The following PPIP5K2 variants were observed in gnomAD, a reference collection of about 807,000 sequenced individuals.
PPIP5K2 encodes the protein inositol hexakisphosphate and diphosphoinositol-pentakisphosphate kinase 2.
A neutral mutation model predicts 154.6 loss-of-function variants in PPIP5K2; 105 were observed. That is an observed-to-expected ratio of 0.68 (90% confidence interval 0.58 to 0.80). The LOEUF is 0.80. Ranked by LOEUF, PPIP5K2 falls within the 30% of genes least tolerant of loss-of-function variation. The probability of loss-of-function intolerance (pLI) is 0.00; values close to 1 mark genes in which losing one functional copy is unlikely to be tolerated. For synonymous variants in PPIP5K2, 480 were observed against 490.3 expected (o/e 0.98, Z 0.28); for missense variants, 992 against 1,504.6 (o/e 0.66, Z 5.64).
At position 103,120,315 on chromosome 5, in the gene PPIP5K2, T is replaced by G. The variant is rs575347761; in HGVS notation, c.-458T>G. ...ATTCCTGAGGTGTAGTAGCCTGAGG[T>G]TCCCTTATGTGGCCCTATAGCTGTT... On this transcript the variant is annotated 5_prime_UTR_variant, in exon 1 of 31. Coordinates refer to ENST00000358359, the MANE Select transcript of PPIP5K2 (RefSeq NM_001276277.3). 7.2e-6 allele frequency: 3 copies of G among 417,186 alleles called. No homozygotes were observed. Among genetic ancestry groups the G allele is most frequent in the Non-Finnish European group, 1.5e-5 (3 of 202,704 alleles). The allele number at this position is 417,186 out of a possible 1,614,324, so 25.8% of individuals were successfully genotyped here.
chr5:103,161,709 A>G (rs1267527809), intron 17 of PPIP5K2, among the ~76,000 whole-genome samples: 1 of 152,210 alleles, frequency 6.6e-6, no homozygotes, highest in Non-Finnish European at 1.5e-5. Context: ...TCTGATGGCC[A>G]GTGATGATGA....
In PPIP5K2 at chr5:103,207,977, A is replaced by G. The variant is rs1348848313; in HGVS notation, c.*6343A>G. On this transcript the variant is annotated 3_prime_UTR_variant, in exon 31 of 31. Coordinates refer to ENST00000358359, the MANE Select transcript of PPIP5K2 (RefSeq NM_001276277.3). The stretch of plus-strand genomic sequence containing the variant: ...TATTACTTACCTTTATATGAGATAA[A>G]TTTCTTTCTGGCTCATCTATTTGAT... 1.3e-5 allele frequency: 2 copies of G among 151,366 alleles called. No individual in the cohort carries two copies. Among genetic ancestry groups the G allele is most frequent in the Admixed American group, 6.6e-5 (1 of 15,204 alleles). The allele number at this position is 151,366 out of a possible 1,614,324, so 9.4% of individuals were successfully genotyped here.
At position 103,177,679 on chromosome 5, in the gene PPIP5K2, G is replaced by T. The variant is rs1554221383; in HGVS notation, c.2542G>T (p.Glu848Ter). The change falls in exon 22 of 31, where the codon GAA becomes TAA. Residue 848 changes from glutamate to a stop codon, truncating the protein, a stop_gained. Coordinates refer to ENST00000358359, the MANE Select transcript of PPIP5K2 (RefSeq NM_001276277.3). LOFTEE classifies it high-confidence loss of function. Reference sequence around the variant, plus strand: ...ATCTTTTGTTCAGGAATCAAAGGATGAACAGTGGAAACGAGCTATGGATTA... The same window carrying T: ...ATCTTTTGTTCAGGAATCAAAGGATTAACAGTGGAAACGAGCTATGGATTA... ...YGALCNESKD[E>*]QWKRAMDYLN... is the part of the protein sequence containing the mutation. 1 of 1,605,914 alleles carries T rather than the reference G, an allele frequency of 6.2e-7. No homozygotes were observed. Among genetic ancestry groups the T allele is most frequent in the Non-Finnish European group, 8.5e-7 (1 of 1,176,394 alleles).
Position 103,146,316 on chromosome 5 carries a change from A to G in PPIP5K2, c.488-211A>G, listed in dbSNP as rs530116517. 1.6e-4 allele frequency among the ~76,000 whole-genome samples: 24 copies of G among 152,134 alleles called. No homozygotes were observed. The South Asian group carries it at 2.7e-3, about 17-fold the overall frequency. On this transcript the variant is annotated intron_variant, in intron 5 of 30. Transcript: ENST00000358359. Reference sequence around the variant, plus strand: ...GGTAGTGTGAAATGGTAAGTCTGTAAAATTTTGAAGAACTATAGCTTTTAA... The same window carrying G: ...GGTAGTGTGAAATGGTAAGTCTGTAGAATTTTGAAGAACTATAGCTTTTAA...
intron 17 of PPIP5K2, 57 bp downstream of exon 17, chr5:103,159,385 A>T (rs1795881261): frequency 7.3e-7 from 1 of 1,372,418 alleles, no homozygotes; most frequent in Admixed American, 2.3e-5. Context: ...GAAAAGTGAT[A>T]AGTGCATAAA....
intron 30 of PPIP5K2, among the ~76,000 whole-genome samples, chr5:103,195,227 T>C (rs567939996): frequency 1.3e-5 from 2 of 152,348 alleles, no homozygotes; most frequent in African/African-American, 4.8e-5. Context: ...TCCCCACATC[T>C]GTTAACAAAA....
intron 5 of PPIP5K2, among the ~76,000 whole-genome samples, chr5:103,144,288 A>G (rs1378444489): frequency 2.0e-5 from 3 of 152,236 alleles, no homozygotes; most frequent in Non-Finnish European, 4.4e-5. Context: ...AAGAGAACAC[A>G]CAAAAAAATG....
chr5:103,138,583 T>C lies in PPIP5K2; in HGVS notation c.487+114T>C, dbSNP rs1026744582. 17 of 558,548 alleles carry C rather than the reference T, an allele frequency of 3.0e-5. No individual in the cohort carries two copies. In the African/African-American group the frequency reaches 3.4e-4, roughly 11 times the overall value. 34.6% of individuals were successfully genotyped at this position (558,548 alleles called of 1,614,324 possible). ...AAAGAATTCATAGTATTCTATTCCA[T>C]TTTAAAAAATAATCTAAACAGACAA... is the stretch of plus-strand genomic sequence containing the variant. On this transcript the variant is annotated intron_variant, in intron 5 of 30. Transcript: ENST00000358359.
At chr5:103,120,518 A>C (rs1788474075) in intron 1 of PPIP5K2, 30 bp downstream of exon 1, 1 of 456,470 alleles carries the variant, frequency 2.2e-6, no homozygotes, top group Non-Finnish European at 4.4e-6. Context: ...GGAGAACCGG[A>C]GATGCGGAAC....
intron 6 of PPIP5K2, among the ~76,000 whole-genome samples, chr5:103,147,299 C>T (rs1345662337): frequency 6.6e-6 from 1 of 151,824 alleles, no homozygotes; most frequent in East Asian, 1.9e-4. Context: ...ATTTTAACAT[C>T]CATTAAAGTA....
At position 103,185,619 on chromosome 5, in the gene PPIP5K2, T is replaced by G. The variant is rs182870965; in HGVS notation, c.3170-701T>G. ...TTTAATCCTTCCCCAGTGATGAAAG[T>G]GTTATTTGGATGTAAAAACTTTTGC... On this transcript the variant is annotated intron_variant, in intron 26 of 30. Transcript: ENST00000358359. Among the ~76,000 whole-genome samples, 832 of 152,140 alleles carry G rather than the reference T, an allele frequency of 5.5e-3. 11 individuals are homozygous for G. The highest frequency in any genetic ancestry group is 0.019 in the African/African-American group (790 of 41,540).
intron 17 of PPIP5K2, 113 bp downstream of exon 17, chr5:103,159,441 A>T: frequency 3.4e-6 from 3 of 887,240 alleles, no homozygotes; most frequent in South Asian, 6.6e-5. Flanking sequence ...TACACATGTT[A>T]TCATCCTCCA....
At chr5:103,167,108 G>A (rs1428218559) in intron 17 of PPIP5K2, 71 bp from the exon 18 acceptor site, 2 of 1,184,412 alleles carry the variant, frequency 1.7e-6, no homozygotes, top group African/African-American at 1.6e-5. Flanking sequence ...GGAAAATTTT[G>A]TATATATATA....
chr5:103,152,452 C>T (rs1319314018), intron 9 of PPIP5K2, among the ~76,000 whole-genome samples, 196 bp from the exon 10 acceptor site: 1 of 151,714 alleles, frequency 6.6e-6, no homozygotes, highest in Non-Finnish European at 1.5e-5. Flanking sequence ...TGTGAAATCC[C>T]ATTGATGTGT....
chr5:103,128,272 C>G (rs1430343364), intron 1 of PPIP5K2, among the ~76,000 whole-genome samples: 1 of 152,018 alleles, frequency 6.6e-6, no homozygotes, highest in Non-Finnish European at 1.5e-5. Context: ...TCAAATGAAG[C>G]ATTTGTTATG....
intron 8 of PPIP5K2, 85 bp downstream of exon 8, chr5:103,149,398 T>C (rs1794250032): frequency 1.5e-6 from 2 of 1,297,102 alleles, no homozygotes; most frequent in Non-Finnish European, 2.1e-6. Flanking sequence ...GTGCTTATAA[T>C]TGGAGAAGTA....
chr5:103,192,533 C>G (rs1362969039), intron 29 of PPIP5K2, among the ~76,000 whole-genome samples: 1 of 151,896 alleles, frequency 6.6e-6, no homozygotes, highest in Non-Finnish European at 1.5e-5. Context: ...AGGGGTAGAT[C>G]TCAACACTAT....
At position 103,129,458 on chromosome 5, in the gene PPIP5K2, A is replaced by G. The variant is rs568284099; in HGVS notation, c.-132A>G. On this transcript the variant is annotated 5_prime_UTR_variant, in exon 2 of 31. Coordinates refer to ENST00000358359, the MANE Select transcript of PPIP5K2 (RefSeq NM_001276277.3). ...AGTCATCATAATATCAAGTGATTGT[A>G]TAAGCAGAAACAAGCTGTCACAGAC... The G allele has an allele frequency of 5.0e-6, 3 of 598,676 alleles. No homozygotes were observed. Among genetic ancestry groups the G allele is most frequent in the African/African-American group, 3.8e-5 (2 of 52,760 alleles). 37.1% of individuals were successfully genotyped at this position (598,676 alleles called of 1,614,324 possible).
intron 19 of PPIP5K2, among the ~76,000 whole-genome samples, chr5:103,170,003 T>G (rs1797728286): frequency 6.6e-6 from 1 of 151,578 alleles, no homozygotes. Context: ...TCTGTGCCAT[T>G]GCATTGCTTA....
Sources: allele counts gnomAD v4.1 joint callset (sites outside exome capture counted in the v4.1 genomes callset), GRCh38; gene constraint gnomAD v4.1.1; transcripts MANE v1.5; gene names NCBI Gene and HGNC (gene_info 2026-07-23, HGNC 2026-07-21).